Variants in CENPK observed in about 807,000 individuals in gnomAD.
CENPK encodes the protein SoxLZ/Sox6-binding protein Solt.
Under a neutral mutation model 40.9 loss-of-function variants are expected in CENPK, and 46 were observed. That is an observed-to-expected ratio of 1.13 (90% CI 0.89 to 1.44). The LOEUF (loss-of-function observed/expected upper bound fraction) is 1.44, where lower values mean the gene tolerates loss of function less well. Among genes scored for constraint, CENPK ranks in the 40% most tolerant of loss-of-function variants. The pLI is 0.00. For synonymous variants in CENPK, 107 were observed against 104.4 expected (o/e 1.02, Z -0.15); for missense variants, 288 against 303.5 (o/e 0.95, Z 0.38).
intron 5 of CENPK, among the ~76,000 whole-genome samples, chr5:65,547,903 A>G (rs900399053): frequency 6.6e-6 from 1 of 152,132 alleles, no homozygotes; most frequent in Non-Finnish European, 1.5e-5. Context: ...TGACCTCATG[A>G]TCCACCCGCC....
chr5:65,556,784 C>T (rs1751047800), intron 2 of CENPK, among the ~76,000 whole-genome samples: 1 of 152,126 alleles, frequency 6.6e-6, no homozygotes. Flanking sequence ...TGGTAAAAGC[C>T]CTAGACAGGT....
rs1260071196 is a variant in CENPK at position 65,518,462 on chromosome 5, A to C, written c.*13T>G. ...ATAAGAATTTTTACTGTGTGAAAAA[A>C]GAAAACATCCTTTTACTGATGGAAA... On this transcript the variant is annotated 3_prime_UTR_variant, in exon 11 of 11. Transcript: ENST00000396679. The C allele has an allele frequency of 1.2e-6, 2 of 1,602,036 alleles. No homozygotes were observed. Among genetic ancestry groups the C allele is most frequent in the South Asian group, 2.3e-5 (2 of 87,936 alleles).
chr5:65,515,148 T>C (rs1162952548), downstream of CENPK, among the ~76,000 whole-genome samples: 1 of 151,862 alleles, frequency 6.6e-6, no homozygotes, highest in Non-Finnish European at 1.5e-5. Flanking sequence ...TTCCAATATA[T>C]GCACTCAATA....
At chr5:65,547,791 A>C (rs535335999) in intron 5 of CENPK, among the ~76,000 whole-genome samples, 5 of 152,164 alleles carry the variant, frequency 3.3e-5, no homozygotes, top group Admixed American at 6.5e-5. Context: ...CAGCATCCCA[A>C]GTAGCTGGGA....
intron 2 of CENPK, among the ~76,000 whole-genome samples, chr5:65,559,004 A>G (rs1181956527): frequency 6.6e-6 from 1 of 152,210 alleles, no homozygotes; most frequent in East Asian, 1.9e-4. Context: ...GTCTGGTGGC[A>G]TAAGATTCAA....
intron 2 of CENPK, among the ~76,000 whole-genome samples, chr5:65,555,469 T>A (rs902202476): frequency 3.3e-5 from 5 of 152,144 alleles, no homozygotes; most frequent in Non-Finnish European, 7.4e-5. Flanking sequence ...ATCATGTGGG[T>A]TTGGTAGGCT....
chr5:65,531,405 CTT>C (rs35716247), intron 6 of CENPK, among the ~76,000 whole-genome samples: 9 of 143,070 alleles, frequency 6.3e-5, no homozygotes, highest in African/African-American at 7.7e-5. Context: ...CAAAATTTGT[CTT>C]TTTTTTTTTT....
chr5:65,520,889 G>A (rs1446143215), intron 10 of CENPK, among the ~76,000 whole-genome samples: 1 of 152,126 alleles, frequency 6.6e-6, no homozygotes. Flanking sequence ...AGTATTTAAT[G>A]TAACTGATAA....
chr5:65,551,145 G>A (rs1178401275), intron 5 of CENPK: 1 of 396,070 alleles, frequency 2.5e-6, no homozygotes, highest in African/African-American at 2.2e-5. Context: ...AGCTACTCAG[G>A]AGGCTGAGGT....
At chr5:65,548,975 C>A (rs138589649) in intron 5 of CENPK, among the ~76,000 whole-genome samples, 1 of 152,284 alleles carries the variant, frequency 6.6e-6, no homozygotes, top group Non-Finnish European at 1.5e-5. Context: ...ATGGGGGATA[C>A]TTTCCAGAAG....
At chr5:65,511,957 A>T in the CENPK span, among the ~76,000 whole-genome samples, 1 of 152,208 alleles carries the variant, frequency 6.6e-6, no homozygotes, top group African/African-American at 2.4e-5. Flanking sequence ...AGATGCCATT[A>T]AGAACATGTG....
chr5:65,534,722 A>G (rs142002571), intron 6 of CENPK, among the ~76,000 whole-genome samples: 40 of 152,358 alleles, frequency 2.6e-4, no homozygotes, highest in African/African-American at 9.6e-4. Flanking sequence ...CTATATATAC[A>G]TAAACATTAA....
chr5:65,522,437 C>CT (rs1366944212), intron 9 of CENPK, among the ~76,000 whole-genome samples: 4 of 151,542 alleles, frequency 2.6e-5, no homozygotes, highest in Non-Finnish European at 5.9e-5. Flanking sequence ...TTTTCTTTTT[C>CT]TTTTTTTTGG....
At chr5:65,545,324 G>GCGCA (rs1170600629) in intron 5 of CENPK, among the ~76,000 whole-genome samples, 3 of 64,322 alleles carry the variant, frequency 4.7e-5, no homozygotes, top group African/African-American at 1.3e-4. Flanking sequence ...CTCAAAGCGC[G>GCGCA]CACACACACA....
Position 65,528,530 on chromosome 5 carries a change from C to T in CENPK, c.519G>A (p.Lys173=), listed in dbSNP as rs376864120. Residue 173 remains lysine, a synonymous_variant, in exon 9 of 11, where the codon AAG becomes AAA. Transcript: ENST00000396679. ...CGCCCAAGGTACTCAAGAGTTTCTC[C>T]TTATATTCTTTTATATTAAGCATTT... ...KTKMLNIKEY[K]EKLLSTLGEF... 3 of 1,598,520 alleles carry T rather than the reference C, an allele frequency of 1.9e-6. No individual in the cohort carries two copies. The highest frequency in any genetic ancestry group is 1.4e-5 in the African/African-American group (1 of 73,826).
the CENPK span, among the ~76,000 whole-genome samples, chr5:65,496,549 A>G: frequency 6.6e-6 from 1 of 152,198 alleles, no homozygotes; most frequent in Non-Finnish European, 1.5e-5. Context: ...CATTATAAGC[A>G]TATACATAAA....
At position 65,526,754 on chromosome 5, in the gene CENPK, T is replaced by A. The variant is rs73094910; in HGVS notation, c.597+1698A>T. On this transcript the variant is annotated intron_variant, in intron 9 of 10. Transcript: ENST00000396679. The stretch of plus-strand genomic sequence containing the variant: ...CGGGAGGATAGCTTCAACCCAGGAG[T>A]TCAAGTCTAACCTGGGCAACATAGC... Among the ~76,000 whole-genome samples the A allele has an allele frequency of 7.1e-3, 1,067 of 151,020 alleles. 10 individuals are homozygous for A. Among genetic ancestry groups the A allele is most frequent in the African/African-American group, 0.024 (996 of 41,082 alleles).
At chr5:65,498,256 CAT>C in the CENPK span, among the ~76,000 whole-genome samples, 3 of 151,990 alleles carry the variant, frequency 2.0e-5, no homozygotes, top group Admixed American at 6.6e-5. Flanking sequence ...TCAATATACA[CAT>C]ATAGATATAT....
At chr5:65,502,010 G>A in the CENPK span, among the ~76,000 whole-genome samples, 1 of 152,136 alleles carries the variant, frequency 6.6e-6, no homozygotes, top group Non-Finnish European at 1.5e-5. Context: ...TGGCAGGGAG[G>A]AAAGTCCTGA....
Sources: gnomAD v4.1 joint callset for allele counts (sites outside exome capture counted in the v4.1 genomes callset) on GRCh38, gnomAD v4.1.1 for gene constraint, MANE v1.5 for transcripts, NCBI Gene and HGNC (gene_info 2026-07-23, HGNC 2026-07-21) for gene names.